The following ABHD18 variants were observed in gnomAD, a reference collection of about 807,000 sequenced individuals.
ABHD18 encodes the protein abhydrolase domain containing 18.
ABHD18 carries 55 observed loss-of-function variants against 65.9 expected under a neutral mutation model. The observed-to-expected ratio is 0.84, with a 90% CI of 0.67 to 1.05. The LOEUF is 1.05. Among genes scored for constraint, ABHD18 ranks in the 50% least tolerant of loss-of-function variants. ABHD18 has a pLI of 0.00. For missense variants in ABHD18, 533 were observed against 558.5 expected (o/e 0.95, Z 0.46); for synonymous variants, 181 against 180.2 (o/e 1.00, Z -0.04).
At chr4:127,997,950 C>T (rs986705436) in intron 4 of ABHD18, among the ~76,000 whole-genome samples, 1 of 151,890 alleles carries the variant, frequency 6.6e-6, no homozygotes, top group African/African-American at 2.4e-5. Flanking sequence ...AGTGCAGTAG[C>T]GCAATCACAG....
intron 10 of ABHD18, among the ~76,000 whole-genome samples, chr4:128,023,403 C>CAAAAAAA (rs59549849): frequency 4.4e-5 from 2 of 44,952 alleles, no homozygotes; most frequent in African/African-American, 9.3e-5. Flanking sequence ...CTTGTCTCTA[C>CAAAAAAA]AAAAAAAAAA....
chr4:128,001,639 T>C, intron 4 of ABHD18: 1 of 1,445,680 alleles, frequency 6.9e-7, no homozygotes, highest in Non-Finnish European at 9.3e-7. Flanking sequence ...ACCCCTTGCC[T>C]ACTTATGCAA....
intron 3 of ABHD18, among the ~76,000 whole-genome samples, chr4:127,989,416 G>A (rs1750544694): frequency 1.3e-5 from 2 of 152,066 alleles, no homozygotes; most frequent in South Asian, 4.1e-4. Context: ...TGAAATAAGA[G>A]TGGAATTGGA....
intron 1 of ABHD18, among the ~76,000 whole-genome samples, chr4:127,975,897 C>T (rs1579138058): frequency 6.6e-6 from 1 of 152,122 alleles, no homozygotes; most frequent in African/African-American, 2.4e-5. Context: ...ACAGTCTCGG[C>T]TCACTGCAAC....
At chr4:128,005,227 CA>C (rs895262775) in intron 4 of ABHD18, among the ~76,000 whole-genome samples, 3 of 151,168 alleles carry the variant, frequency 2.0e-5, no homozygotes, top group Middle Eastern at 3.4e-3. Context: ...GACTCTGTCT[CA>C]AAAAAAAATT....
intron 8 of ABHD18, 134 bp from the exon 9 acceptor site, chr4:128,019,946 A>G: frequency 1.9e-6 from 1 of 528,362 alleles, no homozygotes; most frequent in Non-Finnish European, 3.4e-6. Flanking sequence ...GTGGCTAGAC[A>G]TTCTCACGAA....
intron 1 of ABHD18, among the ~76,000 whole-genome samples, chr4:127,978,550 A>T (rs897446208): frequency 2.0e-5 from 3 of 152,200 alleles, no homozygotes; most frequent in Non-Finnish European, 4.4e-5. Flanking sequence ...AATCTGATAA[A>T]GACTTAAAAT....
chr4:127,969,013 A>G (rs949308132), intron 1 of ABHD18, among the ~76,000 whole-genome samples: 1 of 152,172 alleles, frequency 6.6e-6, no homozygotes, highest in Non-Finnish European at 1.5e-5. Flanking sequence ...GTATGACCCC[A>G]AACCCCAGAA....
At chr4:128,001,829 GAGTTT>G in intron 4 of ABHD18, 1 of 1,413,192 alleles carries the variant, frequency 7.1e-7, no homozygotes, top group African/African-American at 1.7e-5. Flanking sequence ...GTTAGATGTT[GAGTTT>G]TGTTTTGTTT....
intron 1 of ABHD18, among the ~76,000 whole-genome samples, chr4:127,973,211 T>TC (rs1747190871): frequency 6.6e-6 from 1 of 152,158 alleles, no homozygotes; most frequent in South Asian, 2.1e-4. Flanking sequence ...AGGCAGAGTT[T>TC]CCCCATGTTA....
chr4:128,010,200 G>A (rs888472372), intron 6 of ABHD18, among the ~76,000 whole-genome samples: 1 of 152,166 alleles, frequency 6.6e-6, no homozygotes, highest in Admixed American at 6.5e-5. Context: ...TTATTAAAAA[G>A]TTTACAATAA....
chr4:128,031,101 GA>G, intron 12 of ABHD18: 1 of 988,890 alleles, frequency 1.0e-6, no homozygotes, highest in South Asian at 4.6e-5. Context: ...CCTTAAATAA[GA>G]AGTGCTTTTA....
rs545548142 is a variant in ABHD18, at chr4:128,017,200, A to G, written c.471-163A>G. ...CCCAAAGTGCTGGGATTACAGGCGT[A>G]AGCCATCACGCCTGGCCCTAATTCC... On this transcript the variant is annotated intron_variant, in intron 7 of 12. Coordinates refer to ENST00000645843, the MANE Select transcript of ABHD18 (RefSeq NM_001358451.3). 3.3e-5 allele frequency among the ~76,000 whole-genome samples: 5 copies of G among 152,276 alleles called. 1 individual carries two copies. The South Asian group carries it at 1.0e-3, about 32-fold the overall frequency.
intron 8 of ABHD18, among the ~76,000 whole-genome samples, chr4:128,017,876 T>C (rs1755785349): frequency 6.6e-6 from 1 of 152,236 alleles, no homozygotes; most frequent in Admixed American, 6.5e-5. Context: ...TTTGTCTGCC[T>C]TTTAGAGTGT....
At chr4:127,982,285 G>A (rs1749194665) in intron 1 of ABHD18, among the ~76,000 whole-genome samples, 1 of 152,178 alleles carries the variant, frequency 6.6e-6, no homozygotes, top group Non-Finnish European at 1.5e-5. Context: ...ATACCATTCA[G>A]TTTGACAAGA....
intron 1 of ABHD18, among the ~76,000 whole-genome samples, chr4:127,978,369 A>C (rs1276453088): frequency 5.9e-5 from 9 of 151,318 alleles, no homozygotes; most frequent in Non-Finnish European, 4.4e-5. Context: ...GCCAATGAGA[A>C]GAAGGAATTT....
At chr4:127,985,874 G>A (rs1749851107) in intron 3 of ABHD18, among the ~76,000 whole-genome samples, 1 of 152,088 alleles carries the variant, frequency 6.6e-6, no homozygotes, top group Non-Finnish European at 1.5e-5. Flanking sequence ...GGGCATGGTG[G>A]CACATACTTG....
Position 128,028,494 on chromosome 4 carries a change from G to A in ABHD18, c.821G>A (p.Gly274Glu). 3.8e-6 allele frequency: 6 copies of A among 1,570,720 alleles called. No homozygotes were observed. Among genetic ancestry groups the A allele is most frequent in the South Asian group, 2.4e-5 (2 of 83,676 alleles). The part of the protein sequence containing the change: ...EYCGTDSFKM[G>E]QEFVKHFTSS... Reference sequence around the variant, plus strand: ...GTTCAGACAGATTCTTTCAAAATGGGACAAGAGTTTGTGAAACACTTCACT... The same window carrying A: ...GTTCAGACAGATTCTTTCAAAATGGAACAAGAGTTTGTGAAACACTTCACT... Residue 274 changes from glycine (G) to glutamate (E), a missense_variant, in exon 11 of 13, where the codon GGA becomes GAA. Around this residue, in one of 3 missense-constraint regions of ABHD18, gnomAD observed 220 missense variants for 226.8 expected, o/e 0.97. Coordinates refer to ENST00000645843, the MANE Select transcript of ABHD18 (RefSeq NM_001358451.3).
At chr4:128,002,739 G>C (rs989265050) in intron 4 of ABHD18, among the ~76,000 whole-genome samples, 2 of 151,586 alleles carry the variant, frequency 1.3e-5, no homozygotes, top group Non-Finnish European at 2.9e-5. Context: ...TGTCTCCTGA[G>C]TTCAAGTGAT....
Sources: gnomAD v4.1 joint callset for allele counts (sites outside exome capture counted in the v4.1 genomes callset) on GRCh38, gnomAD v4.1.1 for gene constraint, gnomAD v4.1.1 regional missense constraint, MANE v1.5 for transcripts, NCBI Gene and HGNC (gene_info 2026-07-23, HGNC 2026-07-21) for gene names.